The following PYGO2 variants were observed in gnomAD, a reference collection of about 807,000 sequenced individuals.
The protein encoded by PYGO2 is pygopus homolog 2.
PYGO2 carries 9 observed loss-of-function variants against 26.7 expected under a neutral mutation model. The observed-to-expected ratio is 0.34, with a 90% CI of 0.20 to 0.59. The LOEUF is 0.59. Ranked by LOEUF, PYGO2 falls within the 20% of genes least tolerant of loss-of-function variation. The probability of loss-of-function intolerance (pLI) is 0.84; values close to 1 mark genes in which losing one functional copy is unlikely to be tolerated. For synonymous variants in PYGO2, 236 were observed against 219.0 expected, an observed-to-expected ratio of 1.08 and a Z score of -0.68; for missense variants, 538 against 561.5, an observed-to-expected ratio of 0.96 and a Z score of 0.42.
At position 154,959,586 on chromosome 1, in the gene PYGO2, G is replaced by C; in HGVS notation, c.414C>G (p.Pro138=). The change falls in exon 3 of 3, where the codon CCC becomes CCG. Residue 138 remains proline, a synonymous_variant. Transcript: ENST00000368457. The surrounding 1 kb of genome is among the most constrained non-coding windows in gnomAD (Gnocchi z 4.7). ...PLRRQPPPFP[P]NPMGPAFNMP... ...TGTTGAAAGCAGGGCCCATAGGATT[G>C]GGAGGGAAGGGGGGTGGCTGTCGAC... 6.9e-7 allele frequency: 1 copy of C among 1,451,694 alleles called. No homozygotes were observed. The allele number at this position is 1,451,694 out of a possible 1,614,324, so 89.9% of individuals were successfully genotyped here. A position where few individuals can be genotyped will look rare whatever the true frequency, so the allele number is the denominator to read the frequency against.
In PYGO2 at chr1:154,959,047, G is replaced by A; in HGVS notation, c.953C>T (p.Ser318Phe). The A allele has an allele frequency of 6.2e-7, 1 of 1,613,336 alleles. No homozygotes were observed. The highest frequency in any genetic ancestry group is 8.5e-7 in the Non-Finnish European group (1 of 1,179,892). ...CAAGCCTGGGGGAGGCTGGGGCCCG[G>A]AGCCCCCACCTGCCTTGCCAGGGGG... ...LAPPGKAGGGSGPQPPPGLVY... is the reference protein window; with the variant it reads ...LAPPGKAGGGFGPQPPPGLVY... The change falls in exon 3 of 3, where the codon TCC becomes TTC. Residue 318 changes from serine to phenylalanine, a missense_variant. This residue lies in a region of PYGO2 where 381 missense variants were observed against 336.6 expected (regional missense o/e 1.13). Coordinates refer to ENST00000368457, the MANE Select transcript of PYGO2 (RefSeq NM_138300.4). This position sits in a 1 kb window ranked among gnomAD's most constrained non-coding sequence, Gnocchi z 4.7.
intron 2 of PYGO2, 99 bp downstream of exon 2, chr1:154,960,878 C>T: frequency 8.9e-7 from 1 of 1,125,090 alleles, no homozygotes; most frequent in Admixed American, 1.7e-5. Flanking sequence ...CTCCTCCCTG[C>T]AGCTGATACA....
Position 154,958,403 on chromosome 1 carries a change from G to T in PYGO2, c.*376C>A, listed in dbSNP as rs1438255254. The T allele has an allele frequency of 5.0e-6, 1 of 200,296 alleles. No homozygotes were observed. The highest frequency in any genetic ancestry group is 1.0e-5 in the Non-Finnish European group (1 of 96,334). 12.4% of individuals were successfully genotyped at this position (200,296 alleles called of 1,614,324 possible). On this transcript the variant is annotated 3_prime_UTR_variant, in exon 3 of 3. Transcript: ENST00000368457. ...GGCTGGAGCTGTGGGGTTCAGTAGG[G>T]GTGTTAGGCACAGGTGTTAGGGGCA...
rs903009775 is a variant in PYGO2, at chr1:154,958,677, T to C, written c.*102A>G. 415 of 979,778 alleles carry C rather than the reference T, an allele frequency of 4.2e-4. 2 individuals carry two copies. Among genetic ancestry groups the C allele is most frequent in the Admixed American group, 5.7e-4 (24 of 42,138 alleles). 60.7% of individuals were successfully genotyped at this position (979,778 alleles called of 1,614,324 possible). On this transcript the variant is annotated 3_prime_UTR_variant, in exon 3 of 3. Transcript: ENST00000368457. ...AGCCACTGTTTCTGCCCCATGGGGA[T>C]GGAAAGCCAGTGGAAACAAGGACCA... is the stretch of plus-strand genomic sequence containing the variant.
In PYGO2 at chr1:154,959,860, G is replaced by A. The variant is rs766519051; in HGVS notation, c.154-14C>T. 1 of 1,310,290 alleles carries A rather than the reference G, an allele frequency of 7.6e-7. No homozygotes were observed. The highest frequency in any genetic ancestry group is 1.5e-5 in the African/African-American group (1 of 66,096). The allele number at this position is 1,310,290 out of a possible 1,614,324, so 81.2% of individuals were successfully genotyped here. On this transcript the variant is annotated splice_polypyrimidine_tract_variant and intron_variant, in intron 2 of 2. Coordinates refer to ENST00000368457, the MANE Select transcript of PYGO2 (RefSeq NM_138300.4). The surrounding 1 kb of genome is among the most constrained non-coding windows in gnomAD (Gnocchi z 4.7). ...GTATGCAGGGCCCTAGTGAGAAACA[G>A]TTGAGGGAAAGAGGGTCATGGAGGG...
chr1:154,959,429 C>A lies in PYGO2; in HGVS notation c.571G>T (p.Gly191Cys). ...QMMPGPVGGFGPMISPTMGQP... is the reference protein window; with the variant it reads ...QMMPGPVGGFCPMISPTMGQP... ...CCCATGGTGGGTGAGATCATGGGAC[C>A]AAATCCCCCCACTGGGCCCGGCATC... Residue 191 changes from glycine to cysteine, a missense_variant, in exon 3 of 3, where the codon GGT (glycine) becomes TGT (cysteine). Physicochemically the swap from Gly to Cys is radical, Grantham distance 159. This residue lies in a region of PYGO2 where 381 missense variants were observed against 336.6 expected (regional missense o/e 1.13). Transcript: ENST00000368457. The surrounding 1 kb of genome is among the most constrained non-coding windows in gnomAD (Gnocchi z 4.7). The A allele has an allele frequency of 6.5e-7, 1 of 1,541,390 alleles. No homozygotes were observed. The highest frequency in any genetic ancestry group is 1.3e-5 in the South Asian group (1 of 79,996).
At chr1:154,961,119 C>G in intron 1 of PYGO2, 93 bp from the exon 2 acceptor site, 1 of 1,113,930 alleles carries the variant, frequency 9.0e-7, no homozygotes, top group Non-Finnish European at 1.3e-6. Context: ...ACTCCTTTAA[C>G]GTCAATACAT....
Position 154,957,243 on chromosome 1 carries a change from A to T in PYGO2, c.*1536T>A, listed in dbSNP as rs1655212199. On this transcript the variant is annotated 3_prime_UTR_variant, in exon 3 of 3. Transcript: ENST00000368457. ...AAATGGGGCAAACAGAACAACAAACACAAGAGTTGAGCAGCGGGGTGGGGG... is the reference window on the plus strand; with the variant it reads ...AAATGGGGCAAACAGAACAACAAACTCAAGAGTTGAGCAGCGGGGTGGGGG... 1 of 151,864 alleles carries T rather than the reference A, an allele frequency of 6.6e-6. No homozygotes were observed. 9.4% of individuals were successfully genotyped at this position (151,864 alleles called of 1,614,324 possible).
rs1285459045 is a variant in PYGO2 at position 154,959,224 on chromosome 1, C to T, written c.776G>A (p.Gly259Glu). 2 of 1,566,956 alleles carry T rather than the reference C, an allele frequency of 1.3e-6. No individual in the cohort carries two copies. The highest frequency in any genetic ancestry group is 2.3e-5 in the East Asian group (1 of 44,296). ...PGFPGPGGED[G>E]GKPLNPPAST... ...AGCAGGTGGATTCAAGGGCTTCCCC[C>T]CATCCTCACCACCAGGGCCAGGAAA... Residue 259 changes from glycine (G) to glutamate (E), a missense_variant, in exon 3 of 3, where the codon GGG (glycine) becomes GAG (glutamate). Gly to Glu is a moderately conservative substitution (Grantham distance 98). This residue lies in a region of PYGO2 where 381 missense variants were observed against 336.6 expected (regional missense o/e 1.13). Coordinates refer to ENST00000368457, the MANE Select transcript of PYGO2 (RefSeq NM_138300.4). The surrounding 1 kb of genome is among the most constrained non-coding windows in gnomAD (Gnocchi z 4.7).
rs777005105 is a variant in PYGO2, at chr1:154,958,803, C to T, written c.1197G>A (p.Gln399=). ...GTCACCCATCGTTAGCAGCCACCAG[C>T]TGCCCCATGCCCTCACGGATGTAGA... ...QSVYIREGMG[Q]LVAANDG Residue 399 remains glutamine, a synonymous_variant, in exon 3 of 3, where the codon CAG becomes CAA. Coordinates refer to ENST00000368457, the MANE Select transcript of PYGO2 (RefSeq NM_138300.4). 4 of 1,613,020 alleles carry T rather than the reference C, an allele frequency of 2.5e-6. No individual in the cohort carries two copies. Among genetic ancestry groups the T allele is most frequent in the Non-Finnish European group, 3.4e-6 (4 of 1,179,228 alleles).
At position 154,961,028 on chromosome 1, in the gene PYGO2, T is replaced by C. The variant is rs112662266; in HGVS notation, c.104-2A>G. 1 of 1,610,826 alleles carries C rather than the reference T, an allele frequency of 6.2e-7. No individual in the cohort carries two copies. Among genetic ancestry groups the C allele is most frequent in the Non-Finnish European group, 8.5e-7 (1 of 1,178,754 alleles). On this transcript the variant is annotated splice_acceptor_variant, in intron 1 of 2. Coordinates refer to ENST00000368457, the MANE Select transcript of PYGO2 (RefSeq NM_138300.4). LOFTEE classifies it high-confidence loss of function. ...TTTCTGGACTCTTCATTTGCAGACC[T>C]GGAAGAGCGGCAAAAGGAAGACGCA...
chr1:154,958,655 C>T lies in PYGO2; in HGVS notation c.*124G>A. 2.6e-6 allele frequency: 2 copies of T among 765,306 alleles called. No individual in the cohort carries two copies. The highest frequency in any genetic ancestry group is 2.1e-6 in the Non-Finnish European group (1 of 479,116). The allele number at this position is 765,306 out of a possible 1,614,324, so 47.4% of individuals were successfully genotyped here. On this transcript the variant is annotated 3_prime_UTR_variant, in exon 3 of 3. Transcript: ENST00000368457. The stretch of plus-strand genomic sequence containing the variant: ...CAATTCCTTTTCTGCTCCCAGGAGC[C>T]ACTGTTTCTGCCCCATGGGGATGGA...
Position 154,957,127 on chromosome 1 carries a change from CGA to C in PYGO2, c.*1650_*1651del, listed in dbSNP as rs1655208770. 1 of 152,312 alleles carries C rather than the reference CGA, an allele frequency of 6.6e-6. No individual in the cohort carries two copies. The highest frequency in any genetic ancestry group is 2.4e-5 in the African/African-American group (1 of 41,422). The allele number at this position is 152,312 out of a possible 1,614,324, so 9.4% of individuals were successfully genotyped here. Reference sequence around the variant, plus strand: ...TCCAAAAAGTAGTGGAGTGAGAGAGCGAGAGGGAGCAGATCCAGCAAAAACAC... The same window carrying C: ...TCCAAAAAGTAGTGGAGTGAGAGAGCGAGGGAGCAGATCCAGCAAAAACAC... On this transcript the variant is annotated 3_prime_UTR_variant, in exon 3 of 3. Coordinates refer to ENST00000368457, the MANE Select transcript of PYGO2 (RefSeq NM_138300.4).
In PYGO2 at chr1:154,957,736, TACCATGGCAATGAGG is replaced by T. The variant is rs988455280; in HGVS notation, c.*1028_*1042del. On this transcript the variant is annotated 3_prime_UTR_variant, in exon 3 of 3. Transcript: ENST00000368457. ...AACTCCAGGCTCTTCTACCTTTGAG[TACCATGGCAATGAGG>T]ATCCCGCCGCATCCCCTACCCACAG... 6.5e-6 allele frequency: 1 copy of T among 152,674 alleles called. No homozygotes were observed. Among genetic ancestry groups the T allele is most frequent in the Non-Finnish European group, 1.5e-5 (1 of 68,052 alleles). The allele number at this position is 152,674 out of a possible 1,614,324, so 9.5% of individuals were successfully genotyped here.
intron 1 of PYGO2, 56 bp downstream of exon 1, chr1:154,961,418 T>A: frequency 8.5e-7 from 1 of 1,172,212 alleles, no homozygotes. Context: ...ATCCCTCCCC[T>A]CTGAGGTTCC....
chr1:154,960,117 T>G (rs1655294222), intron 2 of PYGO2, among the ~76,000 whole-genome samples: 1 of 151,738 alleles, frequency 6.6e-6, no homozygotes, highest in Non-Finnish European at 1.5e-5. Flanking sequence ...ACAAAAAAAT[T>G]AGCCGGGCGT....
In PYGO2 at chr1:154,958,010, CAT is replaced by C. The variant is rs1403686926; in HGVS notation, c.*767_*768del. Reference sequence around the variant, plus strand: ...TCAAATATTCTGGTCTGTCAGATAACATATCCCAATTTTTGGCAAAAATATGG... The same window carrying C: ...TCAAATATTCTGGTCTGTCAGATAACATCCCAATTTTTGGCAAAAATATGG... On this transcript the variant is annotated 3_prime_UTR_variant, in exon 3 of 3. Coordinates refer to ENST00000368457, the MANE Select transcript of PYGO2 (RefSeq NM_138300.4). 1.3e-5 allele frequency: 2 copies of C among 152,758 alleles called. No homozygotes were observed. Among genetic ancestry groups the C allele is most frequent in the African/African-American group, 4.8e-5 (2 of 41,456 alleles). 9.5% of individuals were successfully genotyped at this position (152,758 alleles called of 1,614,324 possible).
Position 154,959,539 on chromosome 1 carries a change from T to C in PYGO2, c.461A>G (p.Tyr154Cys), listed in dbSNP as rs1437076502. 7 of 1,447,320 alleles carry C rather than the reference T, an allele frequency of 4.8e-6. No individual in the cohort carries two copies. The highest frequency in any genetic ancestry group is 1.5e-5 in the African/African-American group (1 of 68,606). The allele number at this position is 1,447,320 out of a possible 1,614,324, so 89.7% of individuals were successfully genotyped here. ...AFNMPPQGPGYPPPGNMNFPS... is the reference protein window; with the variant it reads ...AFNMPPQGPGCPPPGNMNFPS... ...AAAGTTCATGTTGCCTGGGGGTGGGTAGCCAGGACCCTGGGGGGGCATGTT... is the reference window on the plus strand; with the variant it reads ...AAAGTTCATGTTGCCTGGGGGTGGGCAGCCAGGACCCTGGGGGGGCATGTT... Residue 154 changes from tyrosine to cysteine, a missense_variant, in exon 3 of 3, where the codon TAC (tyrosine) becomes TGC (cysteine). Tyr to Cys is a radical substitution (Grantham distance 194, BLOSUM62 -2). Transcript: ENST00000368457. This position sits in a 1 kb window ranked among gnomAD's most constrained non-coding sequence, Gnocchi z 4.7.
In PYGO2 at chr1:154,959,850, G is replaced by A; in HGVS notation, c.154-4C>T. 1 of 1,328,492 alleles carries A rather than the reference G, an allele frequency of 7.5e-7. No homozygotes were observed. The highest frequency in any genetic ancestry group is 2.0e-4 in the Middle Eastern group (1 of 4,944). 82.3% of individuals were successfully genotyped at this position (1,328,492 alleles called of 1,614,324 possible). ...TCAGATGTGAGTATGCAGGGCCCTA[G>A]TGAGAAACAGTTGAGGGAAAGAGGG... is the stretch of plus-strand genomic sequence containing the variant. On this transcript the variant is annotated splice_polypyrimidine_tract_variant and splice_region_variant and intron_variant, in intron 2 of 2. Transcript: ENST00000368457. This position sits in a 1 kb window ranked among gnomAD's most constrained non-coding sequence, Gnocchi z 4.7.
Sources: gnomAD v4.1 joint callset for allele counts (sites outside exome capture counted in the v4.1 genomes callset) on GRCh38, gnomAD v4.1.1 for gene constraint, gnomAD v4.1.1 regional missense constraint, Gnocchi (gnomAD v3.1) non-coding constraint, MANE v1.5 for transcripts, NCBI Gene and HGNC (gene_info 2026-07-23, HGNC 2026-07-21) for gene names.